MMP9: variants seen among roughly 807,000 people sequenced by gnomAD.
The protein encoded by MMP9 is matrix metalloproteinase-9.
Under a neutral mutation model 76.4 loss-of-function variants are expected in MMP9, and 73 were observed. The observed-to-expected ratio is 0.96, with a 90% confidence interval of 0.79 to 1.16. The LOEUF (loss-of-function observed/expected upper bound fraction) is 1.16, where lower values mean the gene tolerates loss of function less well. Among genes scored for constraint, MMP9 ranks in the 50% most tolerant of loss-of-function variants. The probability of loss-of-function intolerance (pLI) is 0.00; values close to 1 mark genes in which losing one functional copy is unlikely to be tolerated. For missense variants in MMP9, 943 were observed against 973.0 expected, an observed-to-expected ratio of 0.97 and a Z score of 0.41; for synonymous variants, 412 against 408.4, an observed-to-expected ratio of 1.01 and a Z score of -0.11.
chr20:46,010,122 C>CCGG, intron 2 of MMP9, 24 bp downstream of exon 2: 1 of 781,198 alleles, frequency 1.3e-6, no homozygotes, highest in Non-Finnish European at 2.0e-6. Flanking sequence ...GTGGGGGCAG[C>CCGG]GGGGTGGGGC....
At chr20:46,009,685 G>A (rs146560017) in intron 1 of MMP9, among the ~76,000 whole-genome samples, 181 bp from the exon 2 acceptor site, 4 of 152,240 alleles carry the variant, frequency 2.6e-5, no homozygotes, top group Admixed American at 1.3e-4. Flanking sequence ...CTATGCAGAA[G>A]GCTGAGATGG....
chr20:46,010,334 A>AAAAAAAAAAAAC, intron 2 of MMP9, 149 bp from the exon 3 acceptor site: 5 of 518,178 alleles, frequency 9.6e-6, no homozygotes, highest in Admixed American at 3.5e-5. Context: ...AAAAAAAAAA[A>AAAAAAAAAAAAC]AAAAAAACAG....
chr20:46,016,510 C>T lies in MMP9; in HGVS notation c.*142C>T. On this transcript the variant is annotated 3_prime_UTR_variant, in exon 13 of 13. Transcript: ENST00000372330. ...AGGTGGGCTGGGCCCTCTCTTCTCA[C>T]CTTTGTTTTTTGTTGGAGTGTTTCT... The T allele has an allele frequency of 1.4e-6, 1 of 727,394 alleles. No homozygotes were observed. Among genetic ancestry groups the T allele is most frequent in the Admixed American group, 2.0e-5 (1 of 48,814 alleles). 45.1% of individuals were successfully genotyped at this position (727,394 alleles called of 1,614,324 possible).
At position 46,016,430 on chromosome 20, in the gene MMP9, AG is replaced by A. The variant is rs1460225504; in HGVS notation, c.*63del. The A allele has an allele frequency of 7.3e-7, 1 of 1,376,456 alleles. No homozygotes were observed. 85.3% of individuals were successfully genotyped at this position (1,376,456 alleles called of 1,614,324 possible). On this transcript the variant is annotated 3_prime_UTR_variant, in exon 13 of 13. Transcript: ENST00000372330. ...CCACTGGGACCAACCCTGGGGAAGGAGCCAGTTTGCCGGATACAAACTGGTA... is the reference window on the plus strand; with the variant it reads ...CCACTGGGACCAACCCTGGGGAAGGACCAGTTTGCCGGATACAAACTGGTA...
chr20:46,011,736 G>T lies in MMP9; in HGVS notation c.986G>T (p.Cys329Phe). The T allele has an allele frequency of 1.2e-6, 2 of 1,611,976 alleles. No individual in the cohort carries two copies. The highest frequency in any genetic ancestry group is 1.7e-5 in the Admixed American group (1 of 59,990). Reference protein sequence around the residue: ...NYDRDKLFGFCPTRADSTVMG... With the variant: ...NYDRDKLFGFFPTRADSTVMG... ...GACCGGGACAAGCTCTTCGGCTTCT[G>T]CCCGACCCGAGGTACCTCCACCCTG... The change falls in exon 6 of 13, where the codon TGC (cysteine) becomes TTC (phenylalanine). Residue 329 changes from cysteine to phenylalanine, a missense_variant. Coordinates refer to ENST00000372330, the MANE Select transcript of MMP9 (RefSeq NM_004994.3).
At position 46,013,773 on chromosome 20, in the gene MMP9, C is replaced by G. The variant is rs1005636653; in HGVS notation, c.1727C>G (p.Ser576Cys). 5 of 1,613,118 alleles carry G rather than the reference C, an allele frequency of 3.1e-6. No individual in the cohort carries two copies. The African/African-American group carries it at 4.0e-5, about 13-fold the overall frequency. ...GACTCGGTCTTTGAGGAGCGGCTCT[C>G]CAAGAAGCTTTTCTTCTTCTCTGGT... ...KLDSVFEERL[S>C]KKLFFFSGRQ... The change falls in exon 10 of 13, where the codon TCC (serine) becomes TGC (cysteine). Residue 576 changes from serine (S) to cysteine (C), a missense_variant. Transcript: ENST00000372330. The surrounding 1 kb of genome is among the most constrained non-coding windows in gnomAD (Gnocchi z 4.5).
In MMP9 at chr20:46,014,888, C is replaced by A. The variant is rs553434171; in HGVS notation, c.2005+414C>A. The A allele has an allele frequency of 1.6e-5, 3 of 186,784 alleles. No homozygotes were observed. In the South Asian group the frequency reaches 3.0e-4, roughly 19 times the overall value. 11.6% of individuals were successfully genotyped at this position (186,784 alleles called of 1,614,324 possible). On this transcript the variant is annotated intron_variant, in intron 12 of 12. Coordinates refer to ENST00000372330, the MANE Select transcript of MMP9 (RefSeq NM_004994.3). ...AGTTTCCCCATCTGTAATATGGGGA[C>A]TATAGCTGGAATTACACTTGACTTC...
rs41410049 is a variant in MMP9 at position 46,013,848 on chromosome 20, A to G, written c.1750+52A>G. 1,214 of 1,607,624 alleles carry G rather than the reference A, an allele frequency of 7.6e-4. 8 individuals carry two copies. In the African/African-American group the frequency reaches 0.014, roughly 19 times the overall value. On this transcript the variant is annotated intron_variant, in intron 10 of 12. Coordinates refer to ENST00000372330, the MANE Select transcript of MMP9 (RefSeq NM_004994.3). This position sits in a 1 kb window ranked among gnomAD's most constrained non-coding sequence, Gnocchi z 4.5. ...CCCGGTCAATCCCCATCAGTCAAGG[A>G]GGCTCAAGAGACCATCGATAACCCA...
chr20:46,010,404 C>A, intron 2 of MMP9, 79 bp from the exon 3 acceptor site: 2 of 1,477,048 alleles, frequency 1.4e-6, no homozygotes, highest in Non-Finnish European at 1.9e-6. Flanking sequence ...ATGTTGAAGT[C>A]TCTGCGATAT....
chr20:46,014,588 C>A, intron 12 of MMP9, 114 bp downstream of exon 12: 1 of 1,113,318 alleles, frequency 9.0e-7, no homozygotes, highest in Non-Finnish European at 1.3e-6. Flanking sequence ...AATGCCCCAG[C>A]ACAGACAAGA....
chr20:46,009,057 T>C lies in MMP9; in HGVS notation c.131T>C (p.Leu44Pro). The change falls in exon 1 of 13, where the codon CTG (leucine) becomes CCG (proline). Residue 44 changes from leucine to proline, a missense_variant. Transcript: ENST00000372330. ...AGAACCAATCTCACCGACAGGCAGC[T>C]GGCAGAGGTGGGCAAACACCTAGTC... ...DLRTNLTDRQ[L>P]AEEYLYRYGY... 2 of 1,613,644 alleles carry C rather than the reference T, an allele frequency of 1.2e-6. No homozygotes were observed. Among genetic ancestry groups the C allele is most frequent in the Non-Finnish European group, 1.7e-6 (2 of 1,179,826 alleles).
At position 46,012,200 on chromosome 20, in the gene MMP9, T is replaced by C; in HGVS notation, c.1061T>C (p.Leu354Pro). ...CTGTGCGTCTTCCCCTTCACTTTCC[T>C]GGGTAAGGAGTACTCGACCTGTACC... ...GELCVFPFTF[L>P]GKEYSTCTSE... Residue 354 changes from leucine to proline, a missense_variant, in exon 7 of 13, where the codon CTG (leucine) becomes CCG (proline). Coordinates refer to ENST00000372330, the MANE Select transcript of MMP9 (RefSeq NM_004994.3). 1 of 1,614,128 alleles carries C rather than the reference T, an allele frequency of 6.2e-7. No homozygotes were observed. Among genetic ancestry groups the C allele is most frequent in the Non-Finnish European group, 8.5e-7 (1 of 1,180,026 alleles).
At position 46,008,953 on chromosome 20, in the gene MMP9, G is replaced by C. The variant is rs771269085; in HGVS notation, c.27G>C (p.Leu9=). 1.9e-6 allele frequency: 3 copies of C among 1,613,946 alleles called. No individual in the cohort carries two copies. The highest frequency in any genetic ancestry group is 2.5e-6 in the Non-Finnish European group (3 of 1,179,968). Residue 9 remains leucine, a synonymous_variant, in exon 1 of 13, where the codon CTG becomes CTC. Transcript: ENST00000372330. MSLWQPLV[L]VLLVLGCCFA... Reference sequence around the variant, plus strand: ...TGAGCCTCTGGCAGCCCCTGGTCCTGGTGCTCCTGGTGCTGGGCTGCTGCT... The same window carrying C: ...TGAGCCTCTGGCAGCCCCTGGTCCTCGTGCTCCTGGTGCTGGGCTGCTGCT...
At chr20:46,016,158 G>A (rs1306815771) in intron 12 of MMP9, 92 bp from the exon 13 acceptor site, 1 of 1,203,456 alleles carries the variant, frequency 8.3e-7, no homozygotes, top group Non-Finnish European at 1.2e-6. Flanking sequence ...TTCTAGAAAT[G>A]GCAGAAGAGA....
At position 46,011,760 on chromosome 20, in the gene MMP9, T is replaced by A; in HGVS notation, c.997+13T>A. On this transcript the variant is annotated intron_variant, in intron 6 of 12. Coordinates refer to ENST00000372330, the MANE Select transcript of MMP9 (RefSeq NM_004994.3). ...TGCCCGACCCGAGGTACCTCCACCC[T>A]GTCTACCAGGTTCAGCCCCGCCCTC... 6.2e-7 allele frequency: 1 copy of A among 1,606,556 alleles called. No homozygotes were observed. The highest frequency in any genetic ancestry group is 8.5e-7 in the Non-Finnish European group (1 of 1,178,688).
intron 4 of MMP9, 46 bp downstream of exon 4, chr20:46,011,096 C>T: frequency 6.2e-7 from 1 of 1,613,902 alleles, no homozygotes; most frequent in African/African-American, 1.3e-5. Flanking sequence ...TCATTCTCTC[C>T]CACTCATCAC....
Position 46,011,135 on chromosome 20 carries a change from T to G in MMP9, c.650-8T>G, listed in dbSNP as rs775766478. 5 of 1,614,026 alleles carry G rather than the reference T, an allele frequency of 3.1e-6. No homozygotes were observed. The highest frequency in any genetic ancestry group is 4.2e-6 in the Non-Finnish European group (5 of 1,180,020). On this transcript the variant is annotated splice_region_variant and splice_polypyrimidine_tract_variant and intron_variant, in intron 4 of 12. Transcript: ENST00000372330. ...CCGCCCTAACTCCGGTCCCCCCTCC[T>G]CCTGCAGTGGTTCCAACTCGGTTTG...
In MMP9 at chr20:46,012,560, G is replaced by A. The variant is rs1302667482; in HGVS notation, c.1308G>A (p.Val436=). The change falls in exon 8 of 13, where the codon GTG becomes GTA. Residue 436 remains valine (V), a synonymous_variant. Transcript: ENST00000372330. ...GGCCCCCCTTGCATAAGGACGACGT[G>A]AATGGCATCCGGCACCTCTATGGTG... ...TEGPPLHKDD[V]NGIRHLYGPR... The A allele has an allele frequency of 1.2e-6, 2 of 1,613,314 alleles. No individual in the cohort carries two copies. Among genetic ancestry groups the A allele is most frequent in the Admixed American group, 1.7e-5 (1 of 60,006 alleles).
intron 12 of MMP9, among the ~76,000 whole-genome samples, chr20:46,015,033 CATA>C (rs2084310164): frequency 6.6e-6 from 1 of 152,186 alleles, no homozygotes; most frequent in South Asian, 2.1e-4. Flanking sequence ...CAGCCCAAAC[CATA>C]CTGGCTGTCC....
Sources: gnomAD v4.1 joint callset for allele counts (sites outside exome capture counted in the v4.1 genomes callset) on GRCh38, gnomAD v4.1.1 for gene constraint, Gnocchi (gnomAD v3.1) non-coding constraint, MANE v1.5 for transcripts, NCBI Gene and HGNC (gene_info 2026-07-23, HGNC 2026-07-21) for gene names.